CFAP74: variants seen among roughly 807,000 people sequenced by gnomAD.
CFAP74 encodes cilia and flagella associated protein 74.
CFAP74 carries 124 observed loss-of-function variants against 188.9 expected under a neutral mutation model. That is an observed-to-expected ratio of 0.66 (90% CI 0.57 to 0.76). The LOEUF (loss-of-function observed/expected upper bound fraction) is 0.76. Ranked by LOEUF, CFAP74 falls within the 30% of genes least tolerant of loss-of-function variation. The probability of loss-of-function intolerance (pLI) is 0.00; values close to 1 mark genes in which losing one functional copy is unlikely to be tolerated. For synonymous variants in CFAP74, 956 were observed against 916.7 expected, an observed-to-expected ratio of 1.04 and a Z score of -0.77; for missense variants, 2,198 against 2,165.2, an observed-to-expected ratio of 1.02 and a Z score of -0.30.
Position 1,998,621 on chromosome 1 carries a change from TC to T in CFAP74, c.-20+5079del, listed in dbSNP as rs370359280. On this transcript the variant is annotated intron_variant, in intron 1 of 38. Coordinates refer to ENST00000682832, the MANE Select transcript of CFAP74 (RefSeq NM_001304360.2). ...TGGGCGCGGTGGCTCACGCCTGTAA[TC>T]CCAGCACTTTGGGAGGCCGAGGTGG... 6.3e-3 allele frequency among the ~76,000 whole-genome samples: 967 copies of T among 152,292 alleles called. 6 individuals carry two copies. The highest frequency in any genetic ancestry group is 0.022 in the African/African-American group (923 of 41,552).
chr1:1,999,175 C>T (rs1214098163), intron 1 of CFAP74, among the ~76,000 whole-genome samples: 6 of 152,158 alleles, frequency 3.9e-5, no homozygotes, highest in African/African-American at 1.4e-4. Context: ...GATTCTAAAG[C>T]TGTAAAACTA....
At chr1:1,943,840 G>A (rs576950680) in intron 21 of CFAP74, among the ~76,000 whole-genome samples, 177 of 152,376 alleles carry the variant, frequency 1.2e-3, no homozygotes, top group African/African-American at 4.0e-3. Flanking sequence ...GGTGCGGGCA[G>A]GGCCGTGCCC....
chr1:1,957,077 G>C (rs888360910), intron 16 of CFAP74, among the ~76,000 whole-genome samples: 1 of 152,262 alleles, frequency 6.6e-6, no homozygotes, highest in South Asian at 2.1e-4. Context: ...AAGGAGCCTG[G>C]ACACGGGGCT....
Position 1,973,883 on chromosome 1 carries a change from C to G in CFAP74, c.674+142G>C, listed in dbSNP as rs1222931032. 2.8e-5 allele frequency: 21 copies of G among 746,376 alleles called. No individual in the cohort carries two copies. The highest frequency in any genetic ancestry group is 4.2e-5 in the Non-Finnish European group (21 of 496,808). 46.2% of individuals were successfully genotyped at this position (746,376 alleles called of 1,614,324 possible). A position where few individuals can be genotyped will look rare whatever the true frequency, so the allele number is the denominator to read the frequency against. On this transcript the variant is annotated intron_variant, in intron 7 of 38. Transcript: ENST00000682832. The surrounding 1 kb of genome is among the most constrained non-coding windows in gnomAD (Gnocchi z 6.2). Reference sequence around the variant, plus strand: ...CTCAAGGGCCCGGTGGAGGAGCAAGCTGGGAGGAGGCAGGGAGGGGTGGAG... The same window carrying G: ...CTCAAGGGCCCGGTGGAGGAGCAAGGTGGGAGGAGGCAGGGAGGGGTGGAG...
intron 25 of CFAP74, among the ~76,000 whole-genome samples, chr1:1,931,090 T>G (rs1439113411): frequency 6.6e-6 from 1 of 152,210 alleles, no homozygotes; most frequent in Non-Finnish European, 1.5e-5. Flanking sequence ...AATATTCAAA[T>G]GCGTATTTTT....
At chr1:1,979,004 G>A (rs1259036416) in intron 6 of CFAP74, among the ~76,000 whole-genome samples, 2 of 150,778 alleles carry the variant, frequency 1.3e-5, no homozygotes, top group African/African-American at 4.9e-5. Context: ...AGGCTGCACA[G>A]AACACGTGTG....
chr1:1,985,846 CCCCT>C (rs561177220), intron 5 of CFAP74, among the ~76,000 whole-genome samples: 3 of 152,350 alleles, frequency 2.0e-5, no homozygotes, highest in East Asian at 3.9e-4. Flanking sequence ...CGCCCTGGGT[CCCCT>C]CCCTCCCTCC....
Position 1,925,829 on chromosome 1 carries a change from T to C in CFAP74, c.4058A>G (p.Asn1353Ser), listed in dbSNP as rs184662979. ...ITCSIEGSVL[N>S]MGYVIAGESV... ...CTCTCCGGCAATCACATAGCCCATG[T>C]TGAGGACGCTGCCTTCAATGGAGCA... Residue 1353 changes from asparagine to serine, a missense_variant, in exon 33 of 39, where the codon AAC (asparagine) becomes AGC (serine). Asn to Ser is a conservative substitution (Grantham distance 46). Coordinates refer to ENST00000682832, the MANE Select transcript of CFAP74 (RefSeq NM_001304360.2). The C allele has an allele frequency of 5.6e-6, 9 of 1,612,726 alleles. No homozygotes were observed. Among genetic ancestry groups the C allele is most frequent in the Middle Eastern group, 1.7e-4 (1 of 6,058 alleles).
intron 20 of CFAP74, among the ~76,000 whole-genome samples, chr1:1,946,073 A>G (rs969580980): frequency 6.6e-6 from 1 of 152,084 alleles, no homozygotes; most frequent in Admixed American, 6.5e-5. Flanking sequence ...ATGTGTATAC[A>G]TGCATGTTTT....
Position 1,938,914 on chromosome 1 carries a change from G to C in CFAP74, c.2952C>G (p.Phe984Leu), listed in dbSNP as rs2102044157. 1.3e-6 allele frequency: 2 copies of C among 1,536,190 alleles called. No individual in the cohort carries two copies. Among genetic ancestry groups the C allele is most frequent in the East Asian group, 2.4e-5 (1 of 40,912 alleles). ...TGTGTTCCTCGGCCTTGGTGGGCTG[G>C]AAGATCACACAGAACTGCAGCGTTT... ...PLETLQFCVI[F>L]QPTKAEEHRF... Residue 984 changes from phenylalanine (F) to leucine (L), a missense_variant, in exon 25 of 39, where the codon TTC (phenylalanine) becomes TTG (leucine). Coordinates refer to ENST00000682832, the MANE Select transcript of CFAP74 (RefSeq NM_001304360.2).
chr1:1,939,622 TG>T lies in CFAP74; in HGVS notation c.2848del (p.Gln950ArgfsTer33). 1 of 1,535,940 alleles carries T rather than the reference TG, an allele frequency of 6.5e-7. No individual in the cohort carries two copies. Among genetic ancestry groups the T allele is most frequent in the East Asian group, 2.4e-5 (1 of 40,910 alleles). ...GGGAAGCCTGACGAACCCGAACTCC[TG>T]GGGCAGGAGCGAGTGGTTGTGGAGG... The part of the protein sequence containing the change: ...ISLHNHSLLP[Q>X]EFGFVRLPKF... On this transcript the variant is annotated frameshift_variant, in exon 24 of 39. Transcript: ENST00000682832. LOFTEE classifies it high-confidence loss of function.
At position 1,973,838 on chromosome 1, in the gene CFAP74, T is replaced by G. The variant is rs1656256155; in HGVS notation, c.674+187A>C. Reference sequence around the variant, plus strand: ...GGGGCTCTGGGCAGGTGCAGGGGAGTGCCTGACACTTGGGAAGGACTCAAG... The same window carrying G: ...GGGGCTCTGGGCAGGTGCAGGGGAGGGCCTGACACTTGGGAAGGACTCAAG... On this transcript the variant is annotated intron_variant, in intron 7 of 38. Coordinates refer to ENST00000682832, the MANE Select transcript of CFAP74 (RefSeq NM_001304360.2). This position sits in a 1 kb window ranked among gnomAD's most constrained non-coding sequence, Gnocchi z 6.2. 6.7e-6 allele frequency among the ~76,000 whole-genome samples: 1 copy of G among 149,592 alleles called. No individual in the cohort carries two copies. The highest frequency in any genetic ancestry group is 2.5e-5 in the African/African-American group (1 of 40,426).
Position 1,927,379 on chromosome 1 carries a change from C to T in CFAP74, c.3527+228G>A, listed in dbSNP as rs76536593. ...TGGGTGGGGGGTGGTGGCTTTGCTCCCCACCCGTGGATTGAGGCTGTGTGC... is the reference window on the plus strand; with the variant it reads ...TGGGTGGGGGGTGGTGGCTTTGCTCTCCACCCGTGGATTGAGGCTGTGTGC... On this transcript the variant is annotated intron_variant, in intron 28 of 38. Transcript: ENST00000682832. The T allele has an allele frequency of 6.2e-3, 3,592 of 583,786 alleles. 95 individuals carry two copies. Among genetic ancestry groups the T allele is most frequent in the African/African-American group, 0.058 (3,120 of 53,510 alleles). The allele number at this position is 583,786 out of a possible 1,614,324, so 36.2% of individuals were successfully genotyped here. A position where few individuals can be genotyped will look rare whatever the true frequency, so the allele number is the denominator to read the frequency against.
Position 1,993,744 on chromosome 1 carries a change from A to G in CFAP74, c.-19-2769T>C, listed in dbSNP as rs562245886. 4.6e-5 allele frequency among the ~76,000 whole-genome samples: 7 copies of G among 151,938 alleles called. 1 individual carries two copies. Among genetic ancestry groups the G allele is most frequent in the South Asian group, 4.2e-4 (2 of 4,794 alleles). ...ACGCCTGCAATCCCAGCACTTTGGGAGGCCGAGGCAGGTGGATCACGAGGT... is the reference window on the plus strand; with the variant it reads ...ACGCCTGCAATCCCAGCACTTTGGGGGGCCGAGGCAGGTGGATCACGAGGT... On this transcript the variant is annotated intron_variant, in intron 1 of 38. Coordinates refer to ENST00000682832, the MANE Select transcript of CFAP74 (RefSeq NM_001304360.2).
intron 18 of CFAP74, chr1:1,953,975 G>T (rs1654363330): frequency 6.6e-6 from 1 of 152,210 alleles, no homozygotes; most frequent in Non-Finnish European, 1.5e-5. Context: ...GAATCTGGGT[G>T]CATGAAGAGC....
chr1:1,967,725 G>C (rs17778128), intron 11 of CFAP74, among the ~76,000 whole-genome samples: 33,129 of 152,090 alleles, frequency 0.22, 3,812 homozygotes, highest in East Asian at 0.26. Context: ...TTCAGGTTTT[G>C]GGGTACACAA....
At position 1,975,309 on chromosome 1, in the gene CFAP74, A is replaced by G. The variant is rs972958684; in HGVS notation, c.501-1111T>C. Among the ~76,000 whole-genome samples, 19 of 152,174 alleles carry G rather than the reference A, an allele frequency of 1.2e-4. No individual in the cohort carries two copies. The highest frequency in any genetic ancestry group is 4.1e-4 in the African/African-American group (17 of 41,444). On this transcript the variant is annotated intron_variant, in intron 6 of 38. Coordinates refer to ENST00000682832, the MANE Select transcript of CFAP74 (RefSeq NM_001304360.2). The surrounding 1 kb of genome is among the most constrained non-coding windows in gnomAD (Gnocchi z 4.5). ...AACATATGTTGAATTGAGATACTCA[A>G]TGGTTTTCTCTTTTAACGTGTTAAT... is the stretch of plus-strand genomic sequence containing the variant.
chr1:1,934,648 T>G (rs1652711299), intron 25 of CFAP74, among the ~76,000 whole-genome samples: 4 of 123,786 alleles, frequency 3.2e-5, no homozygotes, highest in Admixed American at 8.1e-5. Context: ...TACGTGGGTG[T>G]TAGGCTGTAG....
chr1:1,926,346 A>G lies in CFAP74; in HGVS notation c.3830T>C (p.Leu1277Pro). The G allele has an allele frequency of 6.5e-7, 1 of 1,548,736 alleles. No homozygotes were observed. Among genetic ancestry groups the G allele is most frequent in the Middle Eastern group, 1.7e-4 (1 of 5,982 alleles). The change falls in exon 32 of 39, where the codon CTG (leucine) becomes CCG (proline). Residue 1277 changes from leucine to proline, a missense_variant and splice_region_variant. Leu to Pro is a moderately conservative substitution (Grantham distance 98). Transcript: ENST00000682832. ...GTTGGGGTTCAGCAGGGAGAAGTCC[A>G]GCTGAGGGTCCACGTCAAGGAGGGG... is the stretch of plus-strand genomic sequence containing the variant. ...IQNVSPEDLA[L>P]DFSLLNPNGP...
Sources: gnomAD v4.1 joint callset for allele counts (sites outside exome capture counted in the v4.1 genomes callset) on GRCh38, gnomAD v4.1.1 for gene constraint, Gnocchi (gnomAD v3.1) non-coding constraint, MANE v1.5 for transcripts, NCBI Gene and HGNC (gene_info 2026-07-23, HGNC 2026-07-21) for gene names.